The following NUP98 variants were observed in gnomAD, a reference collection of about 807,000 sequenced individuals.
NUP98 encodes the protein nuclear pore complex protein Nup98-Nup96.
A neutral mutation model predicts 191.9 loss-of-function variants in NUP98; 26 were observed. That is an observed-to-expected ratio of 0.14 (90% confidence interval 0.10 to 0.19). The LOEUF (loss-of-function observed/expected upper bound fraction) is 0.19. Ranked by LOEUF, NUP98 falls within the 10% of genes least tolerant of loss-of-function variation. The pLI is 1.00. For synonymous variants in NUP98, 808 were observed against 778.4 expected (o/e 1.04, Z -0.63); for missense variants, 1,941 against 2,178.8 (o/e 0.89, Z 2.17).
intron 22 of NUP98, among the ~76,000 whole-genome samples, chr11:3,703,812 G>T (rs894260176): frequency 6.6e-6 from 1 of 152,098 alleles, no homozygotes; most frequent in Non-Finnish European, 1.5e-5. Context: ...CTGAAGGACA[G>T]TTCTTTAAAA....
intron 11 of NUP98, among the ~76,000 whole-genome samples, chr11:3,746,213 G>A (rs1315850374): frequency 7.9e-6 from 1 of 126,530 alleles, no homozygotes; most frequent in South Asian, 2.7e-4. Context: ...AGGTTGCGGT[G>A]AGCCAAGATC....
At position 3,723,230 on chromosome 11, in the gene NUP98, C is replaced by T. The variant is rs201614203; in HGVS notation, c.2073G>A (p.Thr691=). Residue 691 remains threonine, a synonymous_variant, in exon 16 of 33, where the codon ACG becomes ACA. Coordinates refer to ENST00000324932, the MANE Select transcript of NUP98 (RefSeq NM_016320.5). ...RNGLEGSSEE[T]SFHDESLQDD... ...CCTGAAGTGACTCATCATGAAAAGACGTTTCTTCACTGCTTCCTTCCAGCC... is the reference window on the plus strand; with the variant it reads ...CCTGAAGTGACTCATCATGAAAAGATGTTTCTTCACTGCTTCCTTCCAGCC... The T allele has an allele frequency of 5.2e-5, 84 of 1,614,098 alleles. No individual in the cohort carries two copies. In the Middle Eastern group the frequency reaches 6.6e-4, roughly 13 times the overall value.
intron 29 of NUP98, among the ~76,000 whole-genome samples, chr11:3,684,085 G>A (rs1000082069): frequency 6.6e-5 from 10 of 151,874 alleles, no homozygotes; most frequent in African/African-American, 1.2e-4. Flanking sequence ...GGTGGCAGGC[G>A]TCTGTAATCC....
chr11:3,761,591 TCTACTAAAAATA>T (rs1334526371), intron 9 of NUP98, among the ~76,000 whole-genome samples: 3 of 152,060 alleles, frequency 2.0e-5, no homozygotes, highest in Non-Finnish European at 4.4e-5. Flanking sequence ...AACCCCATTC[TCTACTAAAAATA>T]CAAAAATCAG....
In NUP98 at chr11:3,713,853, C is replaced by T; in HGVS notation, c.2542G>A (p.Glu848Lys). The stretch of plus-strand genomic sequence containing the variant: ...CAAGAACCAGTTTCAGGCCGGTATT[C>T]TTTGAATTGAGCTCCCTGTTTCCTT... ...VSRKQGAQFK[E>K]YRPETGSWVF... The change falls in exon 19 of 33, where the codon GAA becomes AAA. Residue 848 changes from glutamate to lysine, a missense_variant. Glu to Lys is a moderately conservative substitution (Grantham distance 56, BLOSUM62 1). This residue lies in a region of NUP98 where 95 missense variants were observed against 139.7 expected (regional missense o/e 0.68). Coordinates refer to ENST00000324932, the MANE Select transcript of NUP98 (RefSeq NM_016320.5). 6.2e-7 allele frequency: 1 copy of T among 1,614,088 alleles called. No individual in the cohort carries two copies. The highest frequency in any genetic ancestry group is 8.5e-7 in the Non-Finnish European group (1 of 1,179,992).
intron 1 of NUP98, among the ~76,000 whole-genome samples, chr11:3,795,943 C>A (rs2082526236): frequency 6.6e-6 from 1 of 152,184 alleles, no homozygotes. Flanking sequence ...AACCAAGTGT[C>A]AACTAATTCA....
At chr11:3,685,880 T>C in intron 29 of NUP98, 93 bp downstream of exon 29, 1 of 943,804 alleles carries the variant, frequency 1.1e-6, no homozygotes, top group Non-Finnish European at 1.7e-6. Flanking sequence ...TTCTACACAA[T>C]TACTTGCTAA....
chr11:3,769,540 C>T (rs545338235), intron 7 of NUP98, among the ~76,000 whole-genome samples: 3 of 143,068 alleles, frequency 2.1e-5, no homozygotes, highest in African/African-American at 7.9e-5. Flanking sequence ...TGCTCCACTG[C>T]ACTCCAGCCT....
chr11:3,793,407 GCCTCCCA>G (rs1360110129), intron 1 of NUP98, among the ~76,000 whole-genome samples: 2 of 151,592 alleles, frequency 1.3e-5, no homozygotes. Context: ...CTCTGCCTCA[GCCTCCCA>G]GTAGCTGGGA....
chr11:3,777,691 T>A (rs372949600), intron 4 of NUP98, among the ~76,000 whole-genome samples: 4 of 151,720 alleles, frequency 2.6e-5, no homozygotes, highest in African/African-American at 9.7e-5. Flanking sequence ...GAAATTTATA[T>A]GCCAATATTT....
chr11:3,785,332 G>C (rs1016941316), intron 1 of NUP98, among the ~76,000 whole-genome samples: 2 of 152,050 alleles, frequency 1.3e-5, no homozygotes, highest in African/African-American at 2.4e-5. Flanking sequence ...TCTTCTGTGA[G>C]AGCATGCACT....
chr11:3,677,987 C>G (rs2077871402), intron 31 of NUP98, among the ~76,000 whole-genome samples: 1 of 130,940 alleles, frequency 7.6e-6, no homozygotes, highest in African/African-American at 2.5e-5. Flanking sequence ...AATACACACA[C>G]ACACACACAA....
intron 9 of NUP98, 76 bp downstream of exon 9, chr11:3,762,826 G>A: frequency 3.3e-6 from 5 of 1,526,876 alleles, no homozygotes; most frequent in Non-Finnish European, 4.5e-6. Context: ...CTGCAAAACA[G>A]TCAAATCCTT....
chr11:3,756,357 C>T (rs2080958012), intron 10 of NUP98, among the ~76,000 whole-genome samples: 1 of 152,082 alleles, frequency 6.6e-6, no homozygotes, highest in Non-Finnish European at 1.5e-5. Context: ...ATTAAAAAGA[C>T]AATTCAAATT....
chr11:3,693,101 C>T, intron 27 of NUP98, 131 bp downstream of exon 27: 5 of 845,126 alleles, frequency 5.9e-6, no homozygotes, highest in Admixed American at 4.8e-5. Context: ...AAAACAGACA[C>T]TTGGGGAAGT....
At position 3,731,442 on chromosome 11, in the gene NUP98, T is replaced by A; in HGVS notation, c.1679A>T (p.Asp560Val). ...TTGTAKSHLF[D>V]GLDDDEPSLA... ...GGATGGTTCATCGTCATCCAGCCCATCAAAGAGATGTGACTTGGCTGTGCC... is the reference window on the plus strand; with the variant it reads ...GGATGGTTCATCGTCATCCAGCCCAACAAAGAGATGTGACTTGGCTGTGCC... The change falls in exon 14 of 33, where the codon GAT becomes GTT. Residue 560 changes from aspartate to valine, a missense_variant. Around this residue, in one of 6 missense-constraint regions of NUP98, gnomAD observed 453 missense variants for 438.2 expected, o/e 1.03. Transcript: ENST00000324932. 1.2e-6 allele frequency: 2 copies of A among 1,607,426 alleles called. No homozygotes were observed. Among genetic ancestry groups the A allele is most frequent in the Non-Finnish European group, 1.7e-6 (2 of 1,176,572 alleles).
chr11:3,746,162 G>A (rs538989205), intron 11 of NUP98, among the ~76,000 whole-genome samples: 7 of 151,328 alleles, frequency 4.6e-5, no homozygotes, highest in East Asian at 3.9e-4. Flanking sequence ...CCAGCTACTC[G>A]GGAGGCTGAG....
chr11:3,718,552 A>AAAAG (rs945721063), intron 18 of NUP98, among the ~76,000 whole-genome samples: 1 of 151,974 alleles, frequency 6.6e-6, no homozygotes, highest in Non-Finnish European at 1.5e-5. Flanking sequence ...AGAAAGAAAG[A>AAAAG]AAAGAAAGAA....
intron 30 of NUP98, 142 bp downstream of exon 30, chr11:3,683,058 C>T (rs1238397232): frequency 8.2e-7 from 1 of 1,223,696 alleles, no homozygotes; most frequent in African/African-American, 1.5e-5. Flanking sequence ...GCCTCTTCTG[C>T]AGAGAGCTTT....
Sources: gnomAD v4.1 joint callset for allele counts (sites outside exome capture counted in the v4.1 genomes callset) on GRCh38, gnomAD v4.1.1 for gene constraint, gnomAD v4.1.1 regional missense constraint, MANE v1.5 for transcripts, NCBI Gene and HGNC (gene_info 2026-07-23, HGNC 2026-07-21) for gene names.